Variants in NOS2 observed in about 807,000 individuals in gnomAD.
NOS2 encodes the protein nitric oxide synthase, inducible.
A neutral mutation model predicts 136.0 loss-of-function variants in NOS2; 96 were observed. The observed-to-expected ratio is 0.71, with a 90% CI of 0.60 to 0.84. The LOEUF is 0.84. NOS2 is among the 40% of genes least tolerant of loss of function. NOS2 has a pLI of 0.00. For missense variants in NOS2, 1,237 were observed against 1,496.9 expected, an observed-to-expected ratio of 0.83 and a Z score of 2.87; for synonymous variants, 539 against 587.5, an observed-to-expected ratio of 0.92 and a Z score of 1.20.
At chr17:27,782,868 G>T in intron 6 of NOS2, 76 bp downstream of exon 6, 2 of 1,431,570 alleles carry the variant, frequency 1.4e-6, no homozygotes, top group Non-Finnish European at 1.9e-6. Flanking sequence ...GCACAGCTCT[G>T]TGTGGCTGTT....
intron 4 of NOS2, 141 bp downstream of exon 4, chr17:27,788,668 G>T: frequency 1.0e-6 from 1 of 961,742 alleles, no homozygotes; most frequent in Non-Finnish European, 1.5e-6. Flanking sequence ...TAATCTGTGA[G>T]GAATGTCTCT....
chr17:27,773,812 G>A (rs1216433512), intron 12 of NOS2, among the ~76,000 whole-genome samples: 1 of 152,196 alleles, frequency 6.6e-6, no homozygotes, highest in Non-Finnish European at 1.5e-5. Flanking sequence ...CACCAGCTTT[G>A]TGATCCACAC....
At chr17:27,771,836 C>T (rs1908505629) in intron 14 of NOS2, among the ~76,000 whole-genome samples, 1 of 152,236 alleles carries the variant, frequency 6.6e-6, no homozygotes, top group Non-Finnish European at 1.5e-5. Context: ...ACTGTCAGAT[C>T]CTCAGAGCCC....
At position 27,783,112 on chromosome 17, in the gene NOS2, G is replaced by T; in HGVS notation, c.468-6C>A. The T allele has an allele frequency of 6.2e-7, 1 of 1,613,936 alleles. No individual in the cohort carries two copies. The highest frequency in any genetic ancestry group is 8.5e-7 in the Non-Finnish European group (1 of 1,179,912). On this transcript the variant is annotated splice_region_variant and splice_polypyrimidine_tract_variant and intron_variant, in intron 5 of 26. Transcript: ENST00000313735. Reference sequence around the variant, plus strand: ...GATGTTCCTCTATTTTTGCCCTGGGGGACAGGAAGACAGCAGGAAGATCAA... The same window carrying T: ...GATGTTCCTCTATTTTTGCCCTGGGTGACAGGAAGACAGCAGGAAGATCAA...
At chr17:27,762,678 T>C in intron 22 of NOS2, 120 bp downstream of exon 22, 1 of 727,374 alleles carries the variant, frequency 1.4e-6, no homozygotes, top group Admixed American at 2.9e-5. Context: ...TGTTAACAAC[T>C]CTGGGCTGTG....
At chr17:27,775,288 T>C (rs1178956029) in intron 11 of NOS2, among the ~76,000 whole-genome samples, 1 of 152,034 alleles carries the variant, frequency 6.6e-6, no homozygotes, top group East Asian at 1.9e-4. Flanking sequence ...GGTGAGACCC[T>C]GTCTCTATAA....
At chr17:27,797,747 C>A (rs559065742) in intron 2 of NOS2, among the ~76,000 whole-genome samples, 17 of 152,292 alleles carry the variant, frequency 1.1e-4, no homozygotes, top group African/African-American at 4.1e-4. Context: ...GAGCCTCAAG[C>A]CTGTCCCTTG....
intron 9 of NOS2, among the ~76,000 whole-genome samples, chr17:27,779,883 T>C (rs528915353): frequency 2.0e-5 from 3 of 152,336 alleles, no homozygotes; most frequent in African/African-American, 7.2e-5. Flanking sequence ...CACTTGTATA[T>C]TCAGTTATTC....
intron 7 of NOS2, 138 bp from the exon 8 acceptor site, chr17:27,781,315 A>G (rs866506067): frequency 1.0e-6 from 1 of 971,796 alleles, no homozygotes; most frequent in South Asian, 1.8e-5. Flanking sequence ...GCCTCCTGAC[A>G]TGCCTTCTCC....
At chr17:27,791,558 C>T (rs546213006) in intron 2 of NOS2, among the ~76,000 whole-genome samples, 1 of 152,054 alleles carries the variant, frequency 6.6e-6, no homozygotes, top group East Asian at 1.9e-4. Context: ...ATCCACAGAC[C>T]CCACCCTGAT....
Position 27,783,004 on chromosome 17 carries a change from G to A in NOS2, c.570C>T (p.Thr190=). ...GTGGGGCATTGCGCCAGGCCTGCTTGGTGGCGAAGATGAGCTCATCTCCCG... is the reference window on the plus strand; with the variant it reads ...GTGGGGCATTGCGCCAGGCCTGCTTAGTGGCGAAGATGAGCTCATCTCCCG... ...QLTGDELIFA[T]KQAWRNAPRC... Residue 190 remains threonine, a synonymous_variant, in exon 6 of 27, where the codon ACC becomes ACT. Coordinates refer to ENST00000313735, the MANE Select transcript of NOS2 (RefSeq NM_000625.4). 4 of 1,614,166 alleles carry A rather than the reference G, an allele frequency of 2.5e-6. No homozygotes were observed. Among genetic ancestry groups the A allele is most frequent in the Admixed American group, 1.7e-5 (1 of 60,024 alleles).
rs200377809 is a variant in NOS2 at position 27,760,196 on chromosome 17, T to C, written c.3011-18A>G. On this transcript the variant is annotated intron_variant, in intron 24 of 26. Transcript: ENST00000313735. ...CCGCACTCCTGCAGGAGTCCCGGGC[T>C]GTTGTTACCATGTTGGCCACCAGAG... 93 of 1,531,116 alleles carry C rather than the reference T, an allele frequency of 6.1e-5. No individual in the cohort carries two copies. In the African/African-American group the frequency reaches 1.1e-3, roughly 18 times the overall value. 94.8% of individuals were successfully genotyped at this position (1,531,116 alleles called of 1,614,324 possible). A position where few individuals can be genotyped will look rare whatever the true frequency, so the allele number is the denominator to read the frequency against.
chr17:27,774,513 T>C (rs1374507121), intron 11 of NOS2, 62 bp from the exon 12 acceptor site: 2 of 1,307,720 alleles, frequency 1.5e-6, no homozygotes, highest in Non-Finnish European at 1.0e-6. Flanking sequence ...GAGGGGCCGG[T>C]TGGCCGCAGG....
chr17:27,786,010 C>T (rs1015766891), intron 5 of NOS2, among the ~76,000 whole-genome samples: 16 of 149,992 alleles, frequency 1.1e-4, no homozygotes, highest in Admixed American at 8.0e-4. Flanking sequence ...GGTGGTACCA[C>T]CAGAAGCCAC....
intron 22 of NOS2, 42 bp downstream of exon 22, chr17:27,762,756 G>A: frequency 1.5e-6 from 2 of 1,359,460 alleles, no homozygotes; most frequent in Non-Finnish European, 2.0e-6. Flanking sequence ...GTCCAATAAT[G>A]GGCGGAGCGG....
intron 24 of NOS2, 79 bp from the exon 25 acceptor site, chr17:27,760,257 T>A: frequency 2.1e-6 from 3 of 1,402,524 alleles, no homozygotes; most frequent in Non-Finnish European, 2.9e-6. Context: ...GAATTCTCAC[T>A]TCACTCCCAC....
chr17:27,782,144 G>A (rs1296865551), intron 6 of NOS2, 38 bp from the exon 7 acceptor site: 1 of 1,580,182 alleles, frequency 6.3e-7, no homozygotes, highest in East Asian at 2.2e-5. Flanking sequence ...ATCAAAGACT[G>A]GGTAGACAGA....
At chr17:27,789,510 C>G (rs1909125746) in intron 3 of NOS2, 94 bp downstream of exon 3, 1 of 984,014 alleles carries the variant, frequency 1.0e-6, no homozygotes, top group Non-Finnish European at 1.6e-6. Context: ...CCCTGGCTTC[C>G]TGCCCTCTCC....
chr17:27,780,992 G>A (rs1458390587), intron 8 of NOS2, 44 bp downstream of exon 8: 20 of 1,604,562 alleles, frequency 1.2e-5, no homozygotes, highest in Non-Finnish European at 1.5e-5. Context: ...CTCACCACGG[G>A]GCTCCCCGCC....
Sources: allele counts gnomAD v4.1 joint callset (sites outside exome capture counted in the v4.1 genomes callset), GRCh38; gene constraint gnomAD v4.1.1; transcripts MANE v1.5; gene names NCBI Gene and HGNC (gene_info 2026-07-23, HGNC 2026-07-21).